The following ME3 variants were observed in gnomAD, a reference collection of about 807,000 sequenced individuals.
ME3 encodes malic enzyme 3, also known as NADP-dependent malic enzyme, mitochondrial.
Under a neutral mutation model 68.9 loss-of-function variants are expected in ME3, and 48 were observed. The ratio of observed to expected loss-of-function variants is 0.70; its 90% CI spans 0.55 to 0.89. The LOEUF is 0.89. Ranked by LOEUF, ME3 falls within the 40% of genes least tolerant of loss-of-function variation. The pLI, the probability that ME3 is intolerant of heterozygous loss-of-function variation, is 0.00. For missense variants in ME3, 675 were observed against 797.4 expected, an observed-to-expected ratio of 0.85 and a Z score of 1.85; for synonymous variants, 320 against 318.8, an observed-to-expected ratio of 1.00 and a Z score of -0.04.
chr11:86,603,726 A>T (rs1961124668), intron 2 of ME3, among the ~76,000 whole-genome samples: 1 of 152,088 alleles, frequency 6.6e-6, no homozygotes, highest in Non-Finnish European at 1.5e-5. Flanking sequence ...CTAGATTAAG[A>T]AAATGTGGCA....
chr11:86,580,664 A>C (rs1958393715), intron 2 of ME3, among the ~76,000 whole-genome samples: 1 of 152,226 alleles, frequency 6.6e-6, no homozygotes, highest in African/African-American at 2.4e-5. Context: ...ATCCCTACGA[A>C]ATAGAAAACC....
chr11:86,605,202 T>A (rs1961446976), intron 2 of ME3, among the ~76,000 whole-genome samples: 1 of 152,226 alleles, frequency 6.6e-6, no homozygotes, highest in Admixed American at 6.5e-5. Flanking sequence ...TATGCCTGAT[T>A]AATATTCTAT....
At position 86,581,881 on chromosome 11, in the gene ME3, G is replaced by A. The variant is rs144290698; in HGVS notation, c.184-22058C>T. Among the ~76,000 whole-genome samples, 136 of 152,224 alleles carry A rather than the reference G, an allele frequency of 8.9e-4. 1 individual carries two copies. Among genetic ancestry groups the A allele is most frequent in the African/African-American group, 3.2e-3 (131 of 41,552 alleles). On this transcript the variant is annotated intron_variant, in intron 2 of 14. Coordinates refer to ENST00000543262, the Ensembl canonical transcript of ME3. ...CTGAATAGTTCTAATTTCCTCCTCT[G>A]TTATCCATCCTCCTTATAATCCCTG... is the stretch of plus-strand genomic sequence containing the variant.
intron 2 of ME3, among the ~76,000 whole-genome samples, chr11:86,594,682 A>T (rs1959189400): frequency 6.8e-6 from 1 of 146,088 alleles, no homozygotes; most frequent in Non-Finnish European, 1.5e-5. Context: ...TTTCTCAAAA[A>T]ACAATACAAA....
chr11:86,551,073 A>C (rs1222449894), intron 4 of ME3, among the ~76,000 whole-genome samples: 2 of 152,066 alleles, frequency 1.3e-5, no homozygotes, highest in Non-Finnish European at 2.9e-5. Context: ...AGACATATTG[A>C]GCGGGAAGTA....
chr11:86,435,618 TA>T, the ME3 span: 1 of 152,246 alleles, frequency 6.6e-6, no homozygotes, highest in Non-Finnish European at 1.5e-5. Context: ...CTACGTGTTA[TA>T]AGTTGGGTTC....
intron 4 of ME3, among the ~76,000 whole-genome samples, chr11:86,514,464 G>A (rs1416805643): frequency 6.6e-6 from 1 of 152,200 alleles, no homozygotes; most frequent in Non-Finnish European, 1.5e-5. Context: ...ACCCACAGGA[G>A]TTCCTGAGGC....
chr11:86,557,569 G>C (rs2139450177), intron 3 of ME3, among the ~76,000 whole-genome samples: 1 of 152,276 alleles, frequency 6.6e-6, no homozygotes, highest in African/African-American at 2.4e-5. Flanking sequence ...TCCCAGCTCT[G>C]CTGTTTATTA....
chr11:86,472,420 C>T (rs1466393449), intron 7 of ME3, among the ~76,000 whole-genome samples: 1 of 152,156 alleles, frequency 6.6e-6, no homozygotes, highest in Non-Finnish European at 1.5e-5. Flanking sequence ...GGAGGACAGA[C>T]TGGAGACAAG....
At position 86,461,883 on chromosome 11, in the gene ME3, G is replaced by A. The variant is rs1470327282; in HGVS notation, c.919+3208C>T. 2.6e-5 allele frequency among the ~76,000 whole-genome samples: 4 copies of A among 152,228 alleles called. 1 individual carries two copies. The highest frequency in any genetic ancestry group is 2.0e-4 in the Admixed American group (3 of 15,288). On this transcript the variant is annotated intron_variant, in intron 8 of 14. Transcript: ENST00000543262. ...CACTATTTGCCAGCTGTCCTCATGAGTTCTAGATTGATGGCTTTAGTCTTG... is the reference window on the plus strand; with the variant it reads ...CACTATTTGCCAGCTGTCCTCATGAATTCTAGATTGATGGCTTTAGTCTTG...
chr11:86,524,410 A>G (rs562073855), intron 4 of ME3, among the ~76,000 whole-genome samples: 72 of 152,342 alleles, frequency 4.7e-4, no homozygotes, highest in Non-Finnish European at 9.7e-4. Context: ...GTAGTCACAC[A>G]TTTTTTTCCA....
intron 4 of ME3, among the ~76,000 whole-genome samples, chr11:86,542,652 T>C (rs138009482): frequency 1.0e-3 from 156 of 152,248 alleles, no homozygotes; most frequent in African/African-American, 3.6e-3. Context: ...ATATGGTATA[T>C]GTGAAAAGAC....
At chr11:86,520,541 T>C (rs1312139655) in intron 4 of ME3, among the ~76,000 whole-genome samples, 1 of 99,596 alleles carries the variant, frequency 1.0e-5, no homozygotes, top group Admixed American at 1.0e-4. Flanking sequence ...GGGCCCAGAA[T>C]GGCTAATTCA....
intron 13 of ME3, among the ~76,000 whole-genome samples, chr11:86,445,759 G>A (rs1329663037): frequency 6.6e-6 from 1 of 151,852 alleles, no homozygotes; most frequent in African/African-American, 2.4e-5. Flanking sequence ...ACTCTTTTGT[G>A]CGCTTATCTA....
At chr11:86,651,922 A>G (rs182751718) in intron 2 of ME3, among the ~76,000 whole-genome samples, 85 of 152,364 alleles carry the variant, frequency 5.6e-4, no homozygotes, top group South Asian at 2.1e-4. Flanking sequence ...GCTGAAAACC[A>G]TGGCACGAGA....
chr11:86,491,624 T>C (rs961492705), intron 6 of ME3, among the ~76,000 whole-genome samples: 1 of 152,166 alleles, frequency 6.6e-6, no homozygotes, highest in African/African-American at 2.4e-5. Flanking sequence ...CGCCAACTGA[T>C]TCAGATATAA....
intron 2 of ME3, among the ~76,000 whole-genome samples, chr11:86,599,083 G>A (rs963257425): frequency 1.1e-4 from 17 of 152,324 alleles, no homozygotes; most frequent in South Asian, 2.1e-4. Context: ...CACCAGCAGC[G>A]GAACAAAGCT....
chr11:86,635,368 A>G (rs1944269522), intron 2 of ME3, among the ~76,000 whole-genome samples: 1 of 152,240 alleles, frequency 6.6e-6, no homozygotes, highest in South Asian at 2.1e-4. Context: ...GGCCCTCACC[A>G]GAAACCATGA....
At chr11:86,534,122 C>T (rs975809125) in intron 4 of ME3, among the ~76,000 whole-genome samples, 1 of 149,276 alleles carries the variant, frequency 6.7e-6, no homozygotes, top group Non-Finnish European at 1.5e-5. Flanking sequence ...TAAAATGGTG[C>T]ACCTGTATAG....
Sources: gnomAD v4.1 joint callset for allele counts (sites outside exome capture counted in the v4.1 genomes callset) on GRCh38, gnomAD v4.1.1 for gene constraint, MANE v1.5 for transcripts, NCBI Gene and HGNC (gene_info 2026-07-23, HGNC 2026-07-21) for gene names.